The following ZFYVE28 variants were observed in gnomAD, a reference collection of about 807,000 sequenced individuals.
ZFYVE28 encodes zinc finger FYVE-type containing 28, also known as lateral signaling target protein 2 homolog.
ZFYVE28 carries 40 observed loss-of-function variants against 82.1 expected under a neutral mutation model. The observed-to-expected ratio is 0.49, with a 90% CI of 0.38 to 0.63. The LOEUF is 0.63. Among genes scored for constraint, ZFYVE28 ranks in the 30% least tolerant of loss-of-function variants. The probability of loss-of-function intolerance (pLI) is 0.00; values close to 1 mark genes in which losing one functional copy is unlikely to be tolerated. For synonymous variants in ZFYVE28, 612 were observed against 546.1 expected, an observed-to-expected ratio of 1.12 and a Z score of -1.68; for missense variants, 1,321 against 1,242.1, an observed-to-expected ratio of 1.06 and a Z score of -0.96.
chr4:2,358,498 C>A (rs184819727), intron 1 of ZFYVE28, among the ~76,000 whole-genome samples: 43 of 152,300 alleles, frequency 2.8e-4, no homozygotes, highest in Middle Eastern at 6.8e-3. Flanking sequence ...ATGCTTGGTG[C>A]CCTGCAGGGA....
At chr4:2,272,185 G>A (rs1735976595) in intron 10 of ZFYVE28, among the ~76,000 whole-genome samples, 1 of 152,252 alleles carries the variant, frequency 6.6e-6, no homozygotes, top group Non-Finnish European at 1.5e-5. Context: ...CAGCCTGGCG[G>A]TGTGGATTCG....
intron 1 of ZFYVE28, among the ~76,000 whole-genome samples, chr4:2,380,851 T>G (rs1425782537): frequency 6.6e-6 from 1 of 152,240 alleles, no homozygotes; most frequent in African/African-American, 2.4e-5. Flanking sequence ...TGTGGAACTG[T>G]AAGTCCAATT....
chr4:2,303,670 C>T (rs1321897661), intron 8 of ZFYVE28, among the ~76,000 whole-genome samples: 1 of 152,150 alleles, frequency 6.6e-6, no homozygotes, highest in Non-Finnish European at 1.5e-5. Flanking sequence ...AGGAGACCTC[C>T]CCATCTCCCC....
intron 1 of ZFYVE28, among the ~76,000 whole-genome samples, chr4:2,375,222 G>C (rs1020454115): frequency 6.6e-6 from 1 of 152,204 alleles, no homozygotes; most frequent in African/African-American, 2.4e-5. Context: ...GGGGAAGGTG[G>C]CTTTCTCTTC....
chr4:2,399,291 C>G (rs915503543), intron 1 of ZFYVE28, among the ~76,000 whole-genome samples: 6 of 152,140 alleles, frequency 3.9e-5, no homozygotes, highest in African/African-American at 1.4e-4. Flanking sequence ...AACTACAAAG[C>G]TGCACCAACA....
intron 6 of ZFYVE28, among the ~76,000 whole-genome samples, chr4:2,327,800 A>G (rs1184003317): frequency 6.6e-6 from 1 of 152,232 alleles, no homozygotes; most frequent in African/African-American, 2.4e-5. Flanking sequence ...TCAAAAGAAG[A>G]CATACAAATG....
chr4:2,397,749 T>C (rs1346050873), intron 1 of ZFYVE28, among the ~76,000 whole-genome samples: 1 of 152,232 alleles, frequency 6.6e-6, no homozygotes, highest in African/African-American at 2.4e-5. Context: ...TGTGTCGGAA[T>C]GTCCTTCCTT....
At chr4:2,294,800 C>A (rs1289571667) in intron 8 of ZFYVE28, among the ~76,000 whole-genome samples, 1 of 152,124 alleles carries the variant, frequency 6.6e-6, no homozygotes, top group Non-Finnish European at 1.5e-5. Flanking sequence ...CACCAAACAA[C>A]CAATGACAAA....
chr4:2,338,151 T>A (rs895141980), intron 4 of ZFYVE28, among the ~76,000 whole-genome samples: 2 of 152,208 alleles, frequency 1.3e-5, no homozygotes, highest in Admixed American at 1.3e-4. Context: ...CAGCCCCACA[T>A]GAACCTCCGC....
rs550680839 is a variant in ZFYVE28, at chr4:2,305,181, T to G, written c.1159A>C (p.Arg387=). Residue 387 remains arginine (R), a synonymous_variant, in exon 8 of 13, where the codon AGA becomes CGA. Coordinates refer to ENST00000290974, the MANE Select transcript of ZFYVE28 (RefSeq NM_020972.3). ...TCACTGCCTGACCGCAGGCGCGGTC[T>G]ACCTGGAGAGGCCTCCCCGCCTGGG... is the stretch of plus-strand genomic sequence containing the variant. ...GSPGGEASPG[R]PRLRSGSDEE... is the part of the protein sequence containing the mutation. 6.3e-7 allele frequency: 1 copy of G among 1,597,574 alleles called. No homozygotes were observed. The highest frequency in any genetic ancestry group is 1.3e-5 in the African/African-American group (1 of 74,794).
intron 1 of ZFYVE28, among the ~76,000 whole-genome samples, chr4:2,392,296 C>T (rs777478236): frequency 5.9e-5 from 9 of 152,230 alleles, no homozygotes; most frequent in Non-Finnish European, 1.2e-4. Flanking sequence ...GCACCATCTC[C>T]TCTCCCGCAG....
At chr4:2,406,267 G>A (rs1405622971) in intron 1 of ZFYVE28, among the ~76,000 whole-genome samples, 1 of 150,552 alleles carries the variant, frequency 6.6e-6, no homozygotes, top group Non-Finnish European at 1.5e-5. Flanking sequence ...AGCTACTCGA[G>A]AGGCTGAGGC....
At chr4:2,291,529 G>C (rs1249951873) in intron 8 of ZFYVE28, among the ~76,000 whole-genome samples, 1 of 152,226 alleles carries the variant, frequency 6.6e-6, no homozygotes, top group Non-Finnish European at 1.5e-5. Flanking sequence ...GCTGCCAGGA[G>C]CAGGGAGTAG....
At position 2,362,325 on chromosome 4, in the gene ZFYVE28, G is replaced by A. The variant is rs1192621922; in HGVS notation, c.40-8252C>T. Among the ~76,000 whole-genome samples, 2 of 152,122 alleles carry A rather than the reference G, an allele frequency of 1.3e-5. No individual in the cohort carries two copies. The highest frequency in any genetic ancestry group is 4.8e-5 in the African/African-American group (2 of 41,398). ...TCGCTCCAGCACCAGGAATCCAAGA[G>A]CATCGCAAAGAAGCCAGGGAAGAGC... On this transcript the variant is annotated intron_variant, in intron 1 of 12. Coordinates refer to ENST00000290974, the MANE Select transcript of ZFYVE28 (RefSeq NM_020972.3). The surrounding 1 kb of genome is among the most constrained non-coding windows in gnomAD (Gnocchi z 5.1).
At chr4:2,281,330 G>A (rs1711945342) in intron 8 of ZFYVE28, among the ~76,000 whole-genome samples, 2 of 152,098 alleles carry the variant, frequency 1.3e-5, no homozygotes, top group Non-Finnish European at 2.9e-5. Context: ...CTGGGGCCAT[G>A]TGGATGGGTG....
chr4:2,344,352 T>C (rs1469495585), intron 2 of ZFYVE28, among the ~76,000 whole-genome samples: 1 of 151,936 alleles, frequency 6.6e-6, no homozygotes, highest in African/African-American at 2.4e-5. Context: ...GAGGCTAGAG[T>C]AGCAGGAGCA....
chr4:2,404,738 G>A (rs1276119622), intron 1 of ZFYVE28, among the ~76,000 whole-genome samples: 1 of 152,136 alleles, frequency 6.6e-6, no homozygotes. Flanking sequence ...TGATGGAAAA[G>A]CTTTGAAATC....
At chr4:2,415,459 C>CACACACAG (rs1732939558) in intron 1 of ZFYVE28, among the ~76,000 whole-genome samples, 1 of 148,574 alleles carries the variant, frequency 6.7e-6, no homozygotes, top group Non-Finnish European at 1.5e-5. Context: ...TCTACACACA[C>CACACACAG]ACACACACAC....
intron 8 of ZFYVE28, among the ~76,000 whole-genome samples, chr4:2,289,770 G>A (rs1283889146): frequency 2.0e-5 from 3 of 152,148 alleles, no homozygotes; most frequent in African/African-American, 4.8e-5. Flanking sequence ...CACAGCCTGC[G>A]GGGGCCTGTG....
Sources: gnomAD v4.1 joint callset for allele counts (sites outside exome capture counted in the v4.1 genomes callset) on GRCh38, gnomAD v4.1.1 for gene constraint, Gnocchi (gnomAD v3.1) non-coding constraint, MANE v1.5 for transcripts, NCBI Gene and HGNC (gene_info 2026-07-23, HGNC 2026-07-21) for gene names.